Variants in NCOA7 observed in about 807,000 individuals in gnomAD.
NCOA7 encodes nuclear receptor coactivator 7, also known as 140 kDa estrogen receptor-associated protein.
A neutral mutation model predicts 104.3 loss-of-function variants in NCOA7; 45 were observed. The ratio of observed to expected loss-of-function variants is 0.43; its 90% CI spans 0.34 to 0.55. The LOEUF (loss-of-function observed/expected upper bound fraction) is 0.55, where lower values mean the gene tolerates loss of function less well. NCOA7 is among the 20% of genes least tolerant of loss of function. The probability of loss-of-function intolerance (pLI) is 0.02; values close to 1 mark genes in which losing one functional copy is unlikely to be tolerated. For synonymous variants in NCOA7, 398 were observed against 402.3 expected, an observed-to-expected ratio of 0.99 and a Z score of 0.13; for missense variants, 1,041 against 1,119.7, an observed-to-expected ratio of 0.93 and a Z score of 1.00.
intron 5 of NCOA7, 36 bp downstream of exon 5, chr6:125,878,406 T>A: frequency 1.4e-6 from 2 of 1,459,204 alleles, no homozygotes; most frequent in Non-Finnish European, 9.4e-7. Flanking sequence ...CTCTAGAAAT[T>A]CTGCATTTAT....
intron 3 of NCOA7, among the ~76,000 whole-genome samples, chr6:125,866,779 C>T (rs1390603229): frequency 1.3e-5 from 2 of 152,156 alleles, no homozygotes. Flanking sequence ...GGTGATGTCA[C>T]TGCAATGTTT....
chr6:125,830,073 T>G (rs989071091), intron 2 of NCOA7, among the ~76,000 whole-genome samples: 1 of 152,212 alleles, frequency 6.6e-6, no homozygotes, highest in African/African-American at 2.4e-5. Flanking sequence ...TCAAGGACCC[T>G]CAAGGCTGCT....
chr6:125,838,402 G>C (rs984037508), intron 2 of NCOA7, among the ~76,000 whole-genome samples: 2 of 152,058 alleles, frequency 1.3e-5, no homozygotes, highest in African/African-American at 4.8e-5. Flanking sequence ...GCTTCTTTCA[G>C]ATCTTTAAAG....
At chr6:125,854,971 C>A in intron 2 of NCOA7, 49 bp from the exon 3 acceptor site, 1 of 1,277,816 alleles carries the variant, frequency 7.8e-7, no homozygotes, top group Non-Finnish European at 1.1e-6. Flanking sequence ...TGATTTCTAC[C>A]AGCAAATCAT....
intron 2 of NCOA7, among the ~76,000 whole-genome samples, chr6:125,834,523 C>A (rs1430606417): frequency 6.6e-6 from 1 of 152,188 alleles, no homozygotes; most frequent in African/African-American, 2.4e-5. Flanking sequence ...TAACCAGGGT[C>A]ACCAGACTCT....
intron 3 of NCOA7, among the ~76,000 whole-genome samples, chr6:125,860,924 G>C (rs1781992883): frequency 6.6e-6 from 1 of 152,122 alleles, no homozygotes; most frequent in Non-Finnish European, 1.5e-5. Context: ...CAAGATCTTG[G>C]ATAGTGAAGT....
chr6:125,786,805 A>C (rs9388453), upstream of NCOA7, among the ~76,000 whole-genome samples: 62,122 of 151,782 alleles, frequency 0.41, 14,262 homozygotes, highest in East Asian at 0.7. Context: ...CAAACTCCTG[A>C]CCTCAAGTGA....
chr6:125,811,996 A>G (rs1444732762), intron 1 of NCOA7, among the ~76,000 whole-genome samples: 2 of 152,244 alleles, frequency 1.3e-5, no homozygotes, highest in African/African-American at 4.8e-5. Context: ...CTGCCGCACC[A>G]CAGCTAGTGC....
At chr6:125,850,541 C>T (rs966082064) in intron 2 of NCOA7, among the ~76,000 whole-genome samples, 5 of 152,082 alleles carry the variant, frequency 3.3e-5, no homozygotes, top group African/African-American at 1.2e-4. Context: ...AATGAGATGT[C>T]CCCAAACAGT....
At chr6:125,847,981 G>T (rs1280371260) in intron 2 of NCOA7, among the ~76,000 whole-genome samples, 2 of 152,130 alleles carry the variant, frequency 1.3e-5, no homozygotes, top group Non-Finnish European at 1.5e-5. Context: ...CCATCAAAAA[G>T]TGGGCAAAGG....
At chr6:125,922,924 C>T (rs1787714549) in intron 13 of NCOA7, 90 bp downstream of exon 13, 2 of 1,179,246 alleles carry the variant, frequency 1.7e-6, no homozygotes, top group Non-Finnish European at 2.3e-6. Flanking sequence ...ACTTCCATCA[C>T]CCAGATTCCA....
In NCOA7 at chr6:125,886,614, C is replaced by T. The variant is rs1044425095; in HGVS notation, c.884+1271C>T. Among the ~76,000 whole-genome samples the T allele has an allele frequency of 5.3e-5, 8 of 152,252 alleles. No individual in the cohort carries two copies. The East Asian group carries it at 1.5e-3, about 29-fold the overall frequency. On this transcript the variant is annotated intron_variant, in intron 8 of 15. Coordinates refer to ENST00000392477, the MANE Select transcript of NCOA7 (RefSeq NM_181782.5). ...CAGGGTTGAAATTATTTCAGGGTTG[C>T]ACATTGATTCCTGCCTTGGATACAG...
chr6:125,805,087 C>CTTTTTTTTTTTTTTTTT (rs59737297), intron 1 of NCOA7, among the ~76,000 whole-genome samples: 1 of 58,050 alleles, frequency 1.7e-5, no homozygotes, highest in African/African-American at 6.2e-5. Flanking sequence ...CCCTCTTGTT[C>CTTTTTTTTTTTTTTTTT]TTTTTTTTTT....
chr6:125,890,934 A>AG (rs765211769), intron 10 of NCOA7, 124 bp downstream of exon 10: 8 of 969,102 alleles, frequency 8.3e-6, no homozygotes, highest in Non-Finnish European at 2.8e-6. Context: ...TGTAGATTTT[A>AG]GAATTCTAGA....
intron 13 of NCOA7, among the ~76,000 whole-genome samples, chr6:125,924,629 A>G (rs1787865814): frequency 6.6e-6 from 1 of 152,226 alleles, no homozygotes; most frequent in Non-Finnish European, 1.5e-5. Context: ...TAGAAATAAC[A>G]AAAACAACAA....
In NCOA7 at chr6:125,855,122, G is replaced by A. The variant is rs1781443881; in HGVS notation, c.153G>A (p.Glu51=). 6.2e-7 allele frequency: 1 copy of A among 1,613,350 alleles called. No homozygotes were observed. Among genetic ancestry groups the A allele is most frequent in the Admixed American group, 1.7e-5 (1 of 59,998 alleles). The change falls in exon 3 of 16, where the codon GAG becomes GAA. Residue 51 remains glutamate (E), a synonymous_variant. Transcript: ENST00000392477. ...GKEDNNTVVL[E]PDKCNIAVEE... is the part of the protein sequence containing the mutation. ...AAGATAATAATACAGTAGTTTTAGA[G>A]CCAGACAAGTGCAACATTGCTGTGG...
At chr6:125,853,317 G>A (rs1359604030) in intron 2 of NCOA7, among the ~76,000 whole-genome samples, 2 of 152,020 alleles carry the variant, frequency 1.3e-5, no homozygotes, top group East Asian at 3.9e-4. Flanking sequence ...GAGTCTTCAG[G>A]GTTTCTAGGT....
At chr6:125,799,585 A>C (rs1234415810) in intron 1 of NCOA7, among the ~76,000 whole-genome samples, 1 of 151,894 alleles carries the variant, frequency 6.6e-6, no homozygotes, top group Non-Finnish European at 1.5e-5. Context: ...GACTATAGGC[A>C]TGCACCACCA....
chr6:125,915,583 G>T, intron 11 of NCOA7, 103 bp downstream of exon 11: 4 of 1,379,024 alleles, frequency 2.9e-6, no homozygotes, highest in Non-Finnish European at 4.0e-6. Context: ...TAGAGTCCCT[G>T]TGCACCTATG....
Sources: gnomAD v4.1 joint callset for allele counts (sites outside exome capture counted in the v4.1 genomes callset) on GRCh38, gnomAD v4.1.1 for gene constraint, MANE v1.5 for transcripts, NCBI Gene and HGNC (gene_info 2026-07-23, HGNC 2026-07-21) for gene names.